The following TNNI3K variants were observed in gnomAD, a reference collection of about 807,000 sequenced individuals.
TNNI3K encodes serine/threonine-protein kinase TNNI3K.
TNNI3K carries 140 observed loss-of-function variants against 114.5 expected under a neutral mutation model. That is an observed-to-expected ratio of 1.22 (90% CI 1.07 to 1.41). TNNI3K has a LOEUF of 1.41. Ranked by LOEUF, TNNI3K falls within the 40% of genes most tolerant of loss-of-function variation. The probability of loss-of-function intolerance (pLI) is 0.00; values close to 1 mark genes in which losing one functional copy is unlikely to be tolerated. For missense variants in TNNI3K, 1,125 were observed against 1,007.6 expected (o/e 1.12, Z -1.58); for synonymous variants, 347 against 347.5 (o/e 1.00, Z 0.02).
chr1:74,394,633 T>C (rs1663976448), intron 17 of TNNI3K, among the ~76,000 whole-genome samples: 2 of 152,238 alleles, frequency 1.3e-5, no homozygotes, highest in Admixed American at 1.3e-4. Context: ...CACTTTTGTC[T>C]GTTCTATTCA....
chr1:74,344,343 A>G (rs1047710970), intron 9 of TNNI3K, among the ~76,000 whole-genome samples: 1 of 152,228 alleles, frequency 6.6e-6, no homozygotes, highest in African/African-American at 2.4e-5. Flanking sequence ...CAGAAGAGAA[A>G]ACTGAGGCTC....
chr1:74,391,910 G>A (rs1417868281), intron 17 of TNNI3K, among the ~76,000 whole-genome samples: 1 of 150,104 alleles, frequency 6.7e-6, no homozygotes, highest in African/African-American at 2.5e-5. Flanking sequence ...TAAATAAGAT[G>A]AGCAAAACAT....
chr1:74,358,496 TA>T (rs530444934), intron 11 of TNNI3K, among the ~76,000 whole-genome samples: 148 of 152,124 alleles, frequency 9.7e-4, no homozygotes, highest in African/African-American at 3.4e-3. Flanking sequence ...TTTTAGACAG[TA>T]AAAAAATAAC....
chr1:74,333,550 A>C (rs1363780354), intron 6 of TNNI3K, among the ~76,000 whole-genome samples: 1 of 152,206 alleles, frequency 6.6e-6, no homozygotes, highest in East Asian at 1.9e-4. Context: ...ATATAGTCAC[A>C]GTCTTATAAA....
intron 21 of TNNI3K, among the ~76,000 whole-genome samples, chr1:74,486,201 A>AGAGAGAGAGAGAGAGAGAGAGAGAGAGAG (rs1668751420): frequency 7.3e-6 from 1 of 136,412 alleles, no homozygotes; most frequent in African/African-American, 2.6e-5. Context: ...AAATGCTATA[A>AGAGAGAGAGAGAGAGAGAGAGAGAGAGAG]AGAGAGAGAG....
Position 74,454,936 on chromosome 1 carries a change from G to A in TNNI3K, c.2012-8505G>A, listed in dbSNP as rs1267873312. 2.0e-5 allele frequency among the ~76,000 whole-genome samples: 3 copies of A among 152,148 alleles called. No individual in the cohort carries two copies. In the East Asian group the frequency reaches 5.8e-4, roughly 29 times the overall value. On this transcript the variant is annotated intron_variant, in intron 20 of 24. Coordinates refer to ENST00000326637, the MANE Select transcript of TNNI3K (RefSeq NM_015978.3). ...AGACCTACTTCAAAAGGTTAGAGCA[G>A]TGGTTGATAATAATAAGCACTCAGT... is the stretch of plus-strand genomic sequence containing the variant.
At chr1:74,489,080 T>A (rs1418251260) in intron 21 of TNNI3K, 109 bp from the exon 22 acceptor site, 1 of 849,588 alleles carries the variant, frequency 1.2e-6, no homozygotes, top group Non-Finnish European at 1.8e-6. Context: ...AAAAATATAC[T>A]TTATTGTTAA....
chr1:74,241,743 G>A (rs569699878), intron 2 of TNNI3K, among the ~76,000 whole-genome samples: 10 of 151,982 alleles, frequency 6.6e-5, no homozygotes, highest in Non-Finnish European at 1.3e-4. Flanking sequence ...TCACTCTGAT[G>A]GTAGTTTGTT....
chr1:74,241,996 C>T (rs1654257581), intron 2 of TNNI3K, among the ~76,000 whole-genome samples: 1 of 151,844 alleles, frequency 6.6e-6, no homozygotes, highest in South Asian at 2.1e-4. Context: ...ACTACAGGCA[C>T]CCACCACCAC....
At chr1:74,297,189 A>G (rs1487790110) in intron 5 of TNNI3K, among the ~76,000 whole-genome samples, 1 of 152,100 alleles carries the variant, frequency 6.6e-6, no homozygotes, top group East Asian at 1.9e-4. Flanking sequence ...AACACCATAC[A>G]GTAGAAGTTT....
intron 17 of TNNI3K, among the ~76,000 whole-genome samples, chr1:74,410,039 G>A (rs192048039): frequency 6.6e-6 from 1 of 152,078 alleles, no homozygotes; most frequent in Non-Finnish European, 1.5e-5. Flanking sequence ...AAAACAAAAA[G>A]ATAGTTAAGC....
intron 11 of TNNI3K, among the ~76,000 whole-genome samples, chr1:74,364,941 A>C (rs529181118): frequency 7.2e-5 from 11 of 152,228 alleles, no homozygotes; most frequent in Non-Finnish European, 1.3e-4. Context: ...GAATTATAAG[A>C]TAATAAATTT....
chr1:74,480,977 A>T (rs1206455506), intron 21 of TNNI3K: 6 of 701,076 alleles, frequency 8.6e-6, no homozygotes, highest in Non-Finnish European at 1.3e-5. Flanking sequence ...TGCTGTGGGG[A>T]AAAAAGCACA....
At chr1:74,387,341 A>G (rs1025944186) in intron 17 of TNNI3K, among the ~76,000 whole-genome samples, 5 of 152,256 alleles carry the variant, frequency 3.3e-5, no homozygotes, top group African/African-American at 7.2e-5. Context: ...TTAAAAATTC[A>G]TATTTTCAGC....
At chr1:74,522,797 C>T (rs972078341) in intron 23 of TNNI3K, among the ~76,000 whole-genome samples, 1 of 151,684 alleles carries the variant, frequency 6.6e-6, no homozygotes, top group African/African-American at 2.4e-5. Context: ...AATCTGTAGT[C>T]TTTTTACCTT....
intron 12 of TNNI3K, among the ~76,000 whole-genome samples, 199 bp from the exon 13 acceptor site, chr1:74,367,709 A>G (rs1296703676): frequency 6.6e-6 from 1 of 151,966 alleles, no homozygotes; most frequent in East Asian, 1.9e-4. Context: ...AGTCTGCTAC[A>G]ACTTGGATTT....
chr1:74,385,913 G>A (rs1263736944), intron 17 of TNNI3K, among the ~76,000 whole-genome samples: 1 of 152,186 alleles, frequency 6.6e-6, no homozygotes, highest in Admixed American at 6.5e-5. Context: ...GCTTGGTTGT[G>A]TTCCCACTCA....
intron 17 of TNNI3K, among the ~76,000 whole-genome samples, chr1:74,405,006 TA>T (rs1260566909): frequency 6.6e-6 from 1 of 152,134 alleles, no homozygotes; most frequent in East Asian, 1.9e-4. Context: ...GTTTACAGTT[TA>T]AAAAAAGAAA....
intron 21 of TNNI3K, chr1:74,471,720 G>T (rs181390908): frequency 3.7e-5 from 15 of 402,774 alleles, no homozygotes; most frequent in African/African-American, 2.9e-4. Context: ...CCCTCTTTGG[G>T]GAATATGCTT....
Sources: allele counts gnomAD v4.1 joint callset (sites outside exome capture counted in the v4.1 genomes callset), GRCh38; gene constraint gnomAD v4.1.1; transcripts MANE v1.5; gene names NCBI Gene and HGNC (gene_info 2026-07-23, HGNC 2026-07-21).